ECT2L: variants seen among roughly 807,000 people sequenced by gnomAD.
The protein encoded by ECT2L is epithelial cell-transforming sequence 2 oncogene-like.
In ECT2L, 126 loss-of-function variants were observed where a neutral mutation model predicts 122.8. That is an observed-to-expected ratio of 1.03 (90% CI 0.89 to 1.19). ECT2L has a LOEUF of 1.19. ECT2L is among the 50% of genes most tolerant of loss of function. The pLI is 0.00. For synonymous variants in ECT2L, 385 were observed against 381.8 expected, an observed-to-expected ratio of 1.01 and a Z score of -0.10; for missense variants, 1,012 against 1,064.1, an observed-to-expected ratio of 0.95 and a Z score of 0.68.
intron 4 of ECT2L, among the ~76,000 whole-genome samples, chr6:138,825,663 T>C (rs980588426): frequency 1.3e-5 from 2 of 152,192 alleles, no homozygotes; most frequent in Non-Finnish European, 2.9e-5. Context: ...CCACCACCCA[T>C]ATACAGCCTT....
chr6:138,902,165 C>T (rs1779417829), intron 21 of ECT2L, among the ~76,000 whole-genome samples: 1 of 152,192 alleles, frequency 6.6e-6, no homozygotes. Flanking sequence ...AGGTCTAGCT[C>T]TTAGCATCTT....
At chr6:138,811,286 A>C (rs772319487) in intron 1 of ECT2L, among the ~76,000 whole-genome samples, 5 of 152,236 alleles carry the variant, frequency 3.3e-5, no homozygotes, top group African/African-American at 1.2e-4. Context: ...TCTTCAGTCC[A>C]ACAGAGCATG....
chr6:138,796,558 C>G (rs1280832189), intron 1 of ECT2L, among the ~76,000 whole-genome samples: 1 of 152,086 alleles, frequency 6.6e-6, no homozygotes, highest in South Asian at 2.1e-4. Flanking sequence ...ACAGTTCTCT[C>G]CCTCTTTCCT....
In ECT2L at chr6:138,820,557, T is replaced by C. The variant is rs182927238; in HGVS notation, c.179+5954T>C. ...TTGTTTACAGTGAAAGGAAGAAAAA[T>C]AGGTTGAAAATGGTCCATAACAGTC... On this transcript the variant is annotated intron_variant, in intron 4 of 21. Transcript: ENST00000541398. 4.1e-4 allele frequency among the ~76,000 whole-genome samples: 62 copies of C among 152,130 alleles called. No individual in the cohort carries two copies. The East Asian group carries it at 5.8e-3, about 14-fold the overall frequency.
intron 16 of ECT2L, among the ~76,000 whole-genome samples, chr6:138,885,178 G>A (rs11967406): frequency 1.3e-3 from 205 of 151,918 alleles, no homozygotes; most frequent in African/African-American, 4.7e-3. Context: ...ACAGGCGCCC[G>A]CCACCACGCC....
intron 8 of ECT2L, among the ~76,000 whole-genome samples, chr6:138,847,213 T>C (rs1448270502): frequency 6.6e-6 from 1 of 151,668 alleles, no homozygotes; most frequent in African/African-American, 2.4e-5. Context: ...GATGTTGTAG[T>C]GATCAGGACA....
chr6:138,893,785 T>G (rs1779119501), intron 20 of ECT2L, among the ~76,000 whole-genome samples: 1 of 152,110 alleles, frequency 6.6e-6, no homozygotes, highest in Non-Finnish European at 1.5e-5. Flanking sequence ...GAGGCAAAAC[T>G]CACACCATTG....
chr6:138,871,850 C>A (rs1489851855), intron 13 of ECT2L, among the ~76,000 whole-genome samples: 1 of 151,948 alleles, frequency 6.6e-6, no homozygotes, highest in Non-Finnish European at 1.5e-5. Flanking sequence ...AACAAAAAAC[C>A]CTACCCTTCT....
intron 14 of ECT2L, among the ~76,000 whole-genome samples, chr6:138,879,987 C>T (rs1055841563): frequency 3.9e-5 from 6 of 151,928 alleles, no homozygotes; most frequent in Non-Finnish European, 8.8e-5. Context: ...AATAAATACA[C>T]AAAACAACAG....
intron 21 of ECT2L, 69 bp downstream of exon 21, chr6:138,901,189 G>A: frequency 2.8e-6 from 4 of 1,454,352 alleles, no homozygotes; most frequent in South Asian, 2.7e-5. Flanking sequence ...CTCTTTAACA[G>A]AACAGTAGAA....
At chr6:138,809,903 C>T (rs773539732) in intron 1 of ECT2L, among the ~76,000 whole-genome samples, 1 of 152,118 alleles carries the variant, frequency 6.6e-6, no homozygotes, top group Non-Finnish European at 1.5e-5. Flanking sequence ...TATTATGTGG[C>T]ATTACCATCC....
chr6:138,848,743 C>T (rs148940243), intron 8 of ECT2L, among the ~76,000 whole-genome samples: 137 of 152,252 alleles, frequency 9.0e-4, no homozygotes, highest in Middle Eastern at 3.4e-3. Flanking sequence ...GTGGCTTACA[C>T]CTATAATCCC....
chr6:138,872,009 T>C (rs1468239538), intron 13 of ECT2L, among the ~76,000 whole-genome samples: 1 of 152,008 alleles, frequency 6.6e-6, no homozygotes, highest in Non-Finnish European at 1.5e-5. Context: ...GGCCTCGCTC[T>C]GTCACCCCAT....
chr6:138,811,041 G>A (rs1358102210), intron 1 of ECT2L, among the ~76,000 whole-genome samples: 1 of 152,206 alleles, frequency 6.6e-6, no homozygotes, highest in East Asian at 1.9e-4. Context: ...CCCCTTGAGT[G>A]TGGCATGGAC....
chr6:138,829,022 AT>A (rs61589748), intron 4 of ECT2L, among the ~76,000 whole-genome samples: 34,210 of 123,454 alleles, frequency 0.28, 4,294 homozygotes, highest in Admixed American at 0.36. Context: ...TAAGTTTAAA[AT>A]TTTTTTTTTT....
chr6:138,819,045 G>C (rs73557214), intron 4 of ECT2L, among the ~76,000 whole-genome samples: 1,999 of 152,224 alleles, frequency 0.013, 38 homozygotes, highest in African/African-American at 0.04. Context: ...GTGTACACTT[G>C]TATCTAAAAC....
At chr6:138,867,437 G>A (rs1371738730) in intron 12 of ECT2L, among the ~76,000 whole-genome samples, 2 of 151,888 alleles carry the variant, frequency 1.3e-5, no homozygotes, top group Non-Finnish European at 2.9e-5. Flanking sequence ...TGCTTTGGGA[G>A]GCTGAGGTGG....
chr6:138,889,060 G>A (rs1361139840), intron 20 of ECT2L, 29 bp downstream of exon 20: 2 of 1,294,430 alleles, frequency 1.5e-6, no homozygotes, highest in Non-Finnish European at 2.1e-6. Context: ...TCCTAAGGCT[G>A]TGGACACCTT....
chr6:138,855,963 T>C (rs1384180796), intron 10 of ECT2L, among the ~76,000 whole-genome samples: 3 of 152,198 alleles, frequency 2.0e-5, no homozygotes, highest in Non-Finnish European at 1.5e-5. Context: ...AAGTGAAACT[T>C]AATGACACTC....
Sources: allele counts gnomAD v4.1 joint callset (sites outside exome capture counted in the v4.1 genomes callset), GRCh38; gene constraint gnomAD v4.1.1; transcripts MANE v1.5; gene names NCBI Gene and HGNC (gene_info 2026-07-23, HGNC 2026-07-21).